Variants in HEYL observed in about 807,000 individuals in gnomAD.
The protein encoded by HEYL is hes related family bHLH transcription factor with YRPW motif like.
Under a neutral mutation model 18.6 loss-of-function variants are expected in HEYL, and 12 were observed. That is an observed-to-expected ratio of 0.65 (90% CI 0.41 to 1.05). The LOEUF is 1.05. HEYL is among the 50% of genes least tolerant of loss of function. The pLI, the probability that HEYL is intolerant of heterozygous loss-of-function variation, is 0.00. For synonymous variants in HEYL, 159 were observed against 179.6 expected (o/e 0.89, Z 0.91); for missense variants, 420 against 444.7 (o/e 0.94, Z 0.50).
At chr1:39,628,308 C>T (rs1025521442) in intron 4 of HEYL, among the ~76,000 whole-genome samples, 1 of 152,094 alleles carries the variant, frequency 6.6e-6, no homozygotes, top group South Asian at 2.1e-4. Flanking sequence ...GAGATGGAGT[C>T]TCGCTCTGTC....
rs576981180 is a variant in HEYL at position 39,626,677 on chromosome 1, C to T, written c.817G>A (p.Ala273Thr). 7 of 1,515,172 alleles carry T rather than the reference C, an allele frequency of 4.6e-6. No individual in the cohort carries two copies. Among genetic ancestry groups the T allele is most frequent in the Admixed American group, 2.2e-5 (1 of 46,178 alleles). The allele number at this position is 1,515,172 out of a possible 1,614,324, so 93.9% of individuals were successfully genotyped here. A position where few individuals can be genotyped will look rare whatever the true frequency, so the allele number is the denominator to read the frequency against. The change falls in exon 5 of 5, where the codon GCT (alanine) becomes ACT (threonine). Residue 273 changes from alanine to threonine, a missense_variant. By Grantham distance (58) the Ala-to-Thr change is moderately conservative. Coordinates refer to ENST00000372852, the MANE Select transcript of HEYL (RefSeq NM_014571.4). ...SSRAARSSHI[A>T]PLLQSSSPTP... ...GGGGAGGAAGACTGCAGGAGGGGAG[C>T]GATGTGGCTGCTCCTGGCAGCCCTG... is the stretch of plus-strand genomic sequence containing the variant.
chr1:39,631,635 G>A, intron 2 of HEYL, 56 bp from the exon 3 acceptor site: 1 of 1,401,048 alleles, frequency 7.1e-7, no homozygotes, highest in East Asian at 2.3e-5. Flanking sequence ...TTTCCAAAGT[G>A]CCTTGATGGT....
At position 39,635,420 on chromosome 1, in the gene HEYL, C is replaced by T. The variant is rs552593102; in HGVS notation, c.81-2705G>A. On this transcript the variant is annotated intron_variant, in intron 1 of 4. Coordinates refer to ENST00000372852, the MANE Select transcript of HEYL (RefSeq NM_014571.4). The stretch of plus-strand genomic sequence containing the variant: ...ACGTCACTGCCTCTCAGCCTGATCC[C>T]TCCGCTGGGACCATCTGTTGGAGGC... 2.8e-4 allele frequency among the ~76,000 whole-genome samples: 43 copies of T among 152,350 alleles called. 1 individual carries two copies. In the South Asian group the frequency reaches 8.9e-3, roughly 32 times the overall value.
chr1:39,632,856 A>G lies in HEYL; in HGVS notation c.81-141T>C, dbSNP rs1646341878. On this transcript the variant is annotated intron_variant, in intron 1 of 4. Transcript: ENST00000372852. ...CCCTTCTTCCTGGGGGCTCATTTCA[A>G]CCCGGGTCAAGTCCTCTCATGCACT... The G allele has an allele frequency of 6.6e-6, 10 of 1,505,460 alleles. No individual in the cohort carries two copies. In the East Asian group the frequency reaches 2.1e-4, roughly 31 times the overall value. 93.3% of individuals were successfully genotyped at this position (1,505,460 alleles called of 1,614,324 possible). A position where few individuals can be genotyped will look rare whatever the true frequency, so the allele number is the denominator to read the frequency against.
intron 4 of HEYL, among the ~76,000 whole-genome samples, chr1:39,629,391 G>A (rs1051312670): frequency 6.6e-6 from 1 of 152,186 alleles, no homozygotes; most frequent in Non-Finnish European, 1.5e-5. Flanking sequence ...TGGGTGGCTT[G>A]TTAAACTTGC....
In HEYL at chr1:39,626,714, G is replaced by T; in HGVS notation, c.780C>A (p.Val260=). 1.3e-6 allele frequency: 2 copies of T among 1,503,602 alleles called. No individual in the cohort carries two copies. The highest frequency in any genetic ancestry group is 1.8e-6 in the Non-Finnish European group (2 of 1,122,810). 93.1% of individuals were successfully genotyped at this position (1,503,602 alleles called of 1,614,324 possible). A position where few individuals can be genotyped will look rare whatever the true frequency, so the allele number is the denominator to read the frequency against. The change falls in exon 5 of 5, where the codon GTC becomes GTA. Residue 260 remains valine, a synonymous_variant. Transcript: ENST00000372852. ...PLERPATPVP[V]APSSRAARSS... ...TCCTGGCAGCCCTGCTGCTGGGGGCGACAGGCACAGGGGTCGCTGGCCTCT... is the reference window on the plus strand; with the variant it reads ...TCCTGGCAGCCCTGCTGCTGGGGGCTACAGGCACAGGGGTCGCTGGCCTCT...
intron 4 of HEYL, 35 bp downstream of exon 4, chr1:39,630,192 T>C: frequency 6.3e-7 from 1 of 1,578,040 alleles, no homozygotes; most frequent in Non-Finnish European, 8.7e-7. Context: ...ATATTTGTTG[T>C]ATGAATGACG....
chr1:39,633,892 C>G (rs142552488), intron 1 of HEYL: 1 of 152,494 alleles, frequency 6.6e-6, no homozygotes, highest in Non-Finnish European at 1.5e-5. Flanking sequence ...TATCTCACGT[C>G]TGTCCTCTTC....
At chr1:39,630,968 A>T (rs1171627976) in intron 3 of HEYL, among the ~76,000 whole-genome samples, 1 of 152,226 alleles carries the variant, frequency 6.6e-6, no homozygotes, top group Non-Finnish European at 1.5e-5. Flanking sequence ...AAAGGAAGGC[A>T]GAGGACCCGT....
chr1:39,633,130 T>G, intron 1 of HEYL: 1 of 983,926 alleles, frequency 1.0e-6, no homozygotes, highest in Non-Finnish European at 1.2e-6. Flanking sequence ...CAGATGCCGC[T>G]GCTTCCCACG....
chr1:39,637,433 T>C (rs1646366867), intron 1 of HEYL, among the ~76,000 whole-genome samples: 4 of 152,200 alleles, frequency 2.6e-5, no homozygotes. Flanking sequence ...TCTTTGTACA[T>C]GAAGCTCTTC....
chr1:39,626,403 T>A lies in HEYL; in HGVS notation c.*104A>T, dbSNP rs902032969. 1 of 1,078,968 alleles carries A rather than the reference T, an allele frequency of 9.3e-7. No individual in the cohort carries two copies. Among genetic ancestry groups the A allele is most frequent in the Non-Finnish European group, 1.3e-6 (1 of 770,418 alleles). 66.8% of individuals were successfully genotyped at this position (1,078,968 alleles called of 1,614,324 possible). On this transcript the variant is annotated 3_prime_UTR_variant, in exon 5 of 5. Coordinates refer to ENST00000372852, the MANE Select transcript of HEYL (RefSeq NM_014571.4). ...GATGGCTGGAGAACGTGCCTTCACATATGAGCCAGTCCATGAAGCAAAGCA... is the reference window on the plus strand; with the variant it reads ...GATGGCTGGAGAACGTGCCTTCACAAATGAGCCAGTCCATGAAGCAAAGCA...
chr1:39,629,646 A>G (rs968364720), intron 4 of HEYL, among the ~76,000 whole-genome samples: 1 of 152,246 alleles, frequency 6.6e-6, no homozygotes, highest in South Asian at 2.1e-4. Context: ...ACACAGAGAA[A>G]CTTTGAGTAG....
rs192651169 is a variant in HEYL at position 39,636,488 on chromosome 1, G to A, written c.80+3058C>T. On this transcript the variant is annotated intron_variant, in intron 1 of 4. Transcript: ENST00000372852. ...TCACCATATTAGCCAGGATGGTCTCGATCTCTTGACCTCGTGATCCACCCA... is the reference window on the plus strand; with the variant it reads ...TCACCATATTAGCCAGGATGGTCTCAATCTCTTGACCTCGTGATCCACCCA... Among the ~76,000 whole-genome samples, 115 of 152,124 alleles carry A rather than the reference G, an allele frequency of 7.6e-4. 4 individuals are homozygous for A. The East Asian group carries it at 0.012, about 15-fold the overall frequency.
rs116401702 is a variant in HEYL, at chr1:39,623,753, G to T, written c.*2754C>A. On this transcript the variant is annotated 3_prime_UTR_variant, in exon 5 of 5. Coordinates refer to ENST00000372852, the MANE Select transcript of HEYL (RefSeq NM_014571.4). ...CTCAGCCATGCACAGGGTAGGGGAA[G>T]AGCATTCTTGGCAAAGGGAACAGCA... Among the ~76,000 whole-genome samples the T allele has an allele frequency of 0.026, 3,959 of 152,332 alleles. 82 individuals carry two copies. The highest frequency in any genetic ancestry group is 0.043 in the Non-Finnish European group (2,941 of 68,032).
rs1457177572 is a variant in HEYL at position 39,626,922 on chromosome 1, T to C, written c.572A>G (p.Asn191Ser). The C allele has an allele frequency of 1.9e-6, 3 of 1,611,478 alleles. No individual in the cohort carries two copies. The highest frequency in any genetic ancestry group is 1.3e-5 in the African/African-American group (1 of 74,794). Residue 191 changes from asparagine to serine, a missense_variant, in exon 5 of 5, where the codon AAC becomes AGC. Transcript: ENST00000372852. ...HSCPGLPALS[N>S]QLAILGRVPS... ...CACTCTTCCCAGGATGGCGAGCTGG[T>C]TGCTCAGGGCTGGCAGCCCTGGACA...
rs1370758928 is a variant in HEYL at position 39,631,596 on chromosome 1, A to G, written c.148-17T>C. On this transcript the variant is annotated splice_polypyrimidine_tract_variant and intron_variant, in intron 2 of 4. Coordinates refer to ENST00000372852, the MANE Select transcript of HEYL (RefSeq NM_014571.4). ...CTCTATGATCTAAACAATCATGACA[A>G]GAAGTTACTCACAGGTGTGTCATCA... is the stretch of plus-strand genomic sequence containing the variant. The G allele has an allele frequency of 4.3e-6, 7 of 1,610,300 alleles. No homozygotes were observed. The highest frequency in any genetic ancestry group is 5.9e-6 in the Non-Finnish European group (7 of 1,176,518).
At chr1:39,630,008 G>C (rs3738674) in intron 4 of HEYL, among the ~76,000 whole-genome samples, 2,013 of 152,342 alleles carry the variant, frequency 0.013, 92 homozygotes, top group East Asian at 0.094. Context: ...TCTAAGACTG[G>C]AGGGAGCTGA....
rs1443096054 is a variant in HEYL, at chr1:39,626,495, T to G, written c.*12A>C. 1 of 1,500,684 alleles carries G rather than the reference T, an allele frequency of 6.7e-7. No individual in the cohort carries two copies. The highest frequency in any genetic ancestry group is 8.9e-7 in the Non-Finnish European group (1 of 1,126,806). The allele number at this position is 1,500,684 out of a possible 1,614,324, so 93.0% of individuals were successfully genotyped here. A position where few individuals can be genotyped will look rare whatever the true frequency, so the allele number is the denominator to read the frequency against. ...TTCCTTATTCCTTGGGGCGGGGTGGTGAAGGGGCAGCTCAGAAAGCCCCGA... is the reference window on the plus strand; with the variant it reads ...TTCCTTATTCCTTGGGGCGGGGTGGGGAAGGGGCAGCTCAGAAAGCCCCGA... On this transcript the variant is annotated 3_prime_UTR_variant, in exon 5 of 5. Transcript: ENST00000372852.
Sources: gnomAD v4.1 joint callset for allele counts (sites outside exome capture counted in the v4.1 genomes callset) on GRCh38, gnomAD v4.1.1 for gene constraint, MANE v1.5 for transcripts, NCBI Gene and HGNC (gene_info 2026-07-23, HGNC 2026-07-21) for gene names.